CCNJL: variants seen among roughly 807,000 people sequenced by gnomAD.
CCNJL encodes cyclin-J-like protein.
A neutral mutation model predicts 33.4 loss-of-function variants in CCNJL; 33 were observed. The observed-to-expected ratio is 0.99, with a 90% CI of 0.75 to 1.32. The LOEUF is 1.32. Among genes scored for constraint, CCNJL ranks in the 40% most tolerant of loss-of-function variants. CCNJL has a pLI of 0.00. For missense variants in CCNJL, 512 were observed against 499.7 expected, an observed-to-expected ratio of 1.02 and a Z score of -0.23; for synonymous variants, 227 against 220.9, an observed-to-expected ratio of 1.03 and a Z score of -0.24.
intron 2 of CCNJL, among the ~76,000 whole-genome samples, chr5:160,311,530 T>A (rs1763259094): frequency 6.6e-6 from 1 of 152,182 alleles, no homozygotes. Context: ...CAATATTTTT[T>A]AAAGACCCCT....
At chr5:160,272,539 C>T (rs1425482920) in intron 3 of CCNJL, among the ~76,000 whole-genome samples, 2 of 152,164 alleles carry the variant, frequency 1.3e-5, no homozygotes, top group Admixed American at 1.3e-4. Flanking sequence ...AGAAGAGAAG[C>T]CCCAAGTGGA....
chr5:160,334,117 C>T (rs948134258), intron 1 of CCNJL, among the ~76,000 whole-genome samples: 3 of 152,208 alleles, frequency 2.0e-5, no homozygotes, highest in Admixed American at 6.5e-5. Flanking sequence ...CTTGCCAGCT[C>T]ACCCCTCAGG....
chr5:160,302,420 C>G lies in CCNJL; in HGVS notation c.66+9438G>C, dbSNP rs184357196. Among the ~76,000 whole-genome samples the G allele has an allele frequency of 4.0e-3, 601 of 152,144 alleles. 1 individual carries two copies. Among genetic ancestry groups the G allele is most frequent in the Non-Finnish European group, 6.5e-3 (444 of 68,008 alleles). On this transcript the variant is annotated intron_variant, in intron 2 of 5. Transcript: ENST00000257536. Reference sequence around the variant, plus strand: ...TGTTCAATATAAATTTCCTGAGTGCCCACTATATATCATTATTGCTACAAT... The same window carrying G: ...TGTTCAATATAAATTTCCTGAGTGCGCACTATATATCATTATTGCTACAAT...
At chr5:160,255,795 C>G (rs766103565) in intron 4 of CCNJL, 87 bp from the exon 5 acceptor site, 6 of 1,196,432 alleles carry the variant, frequency 5.0e-6, no homozygotes, top group Non-Finnish European at 7.3e-6. Flanking sequence ...ACAAATGAAT[C>G]GCTTTCAAGG....
chr5:160,328,029 C>T lies in CCNJL; in HGVS notation n.206+11416G>A, dbSNP rs896985872. 1.3e-4 allele frequency among the ~76,000 whole-genome samples: 20 copies of T among 152,278 alleles called. No individual in the cohort carries two copies. In the East Asian group the frequency reaches 2.1e-3, roughly 16 times the overall value. ...TGACAGGAGGAATCCAGCCATGCCC[C>T]GGCTAGAGGATGAATACTCTGCAGA... On this transcript the variant is annotated intron_variant and non_coding_transcript_variant, in intron 1 of 7. Coordinates refer to the CCNJL transcript ENST00000377503.
intron 1 of CCNJL, among the ~76,000 whole-genome samples, chr5:160,328,879 CAA>C (rs558876567): frequency 1.4e-5 from 2 of 139,858 alleles, no homozygotes; most frequent in Admixed American, 7.3e-5. Context: ...GACTCTGTCT[CAA>C]AAAAAAAAAG....
In CCNJL at chr5:160,339,359, C is replaced by CAA. The variant is rs752641997; in HGVS notation, n.206+84_206+85dup. Reference sequence around the variant, plus strand: ...TCTATATAATGAGCAACATGCAAAACAAAAAAAAAAAACAAAAAAAAACGC... The same window carrying CAA: ...TCTATATAATGAGCAACATGCAAAACAAAAAAAAAAAAAACAAAAAAAAACGC... On this transcript the variant is annotated intron_variant and non_coding_transcript_variant, in intron 1 of 7. Coordinates refer to the CCNJL transcript ENST00000377503. 3.4e-3 allele frequency: 754 copies of CAA among 219,582 alleles called. 2 individuals are homozygous for CAA. Among genetic ancestry groups the CAA allele is most frequent in the African/African-American group, 8.6e-3 (220 of 25,452 alleles). The allele number at this position is 219,582 out of a possible 1,614,324, so 13.6% of individuals were successfully genotyped here.
At position 160,280,625 on chromosome 5, in the gene CCNJL, C is replaced by G. The variant is rs1331351181; in HGVS notation, c.180G>C (p.Arg60=). 4 of 1,613,544 alleles carry G rather than the reference C, an allele frequency of 2.5e-6. No individual in the cohort carries two copies. The highest frequency in any genetic ancestry group is 3.4e-6 in the Non-Finnish European group (4 of 1,179,952). Residue 60 remains arginine (R), a synonymous_variant, in exon 3 of 6, where the codon CGG becomes CGC. Coordinates refer to ENST00000257536, the MANE Select transcript of CCNJL (RefSeq NM_001308173.3). ...GGTCCAGCAGGTAGACGGCCAGGTGCCGGGCTGCAGGGCAGAGCTGGCAGT... is the reference window on the plus strand; with the variant it reads ...GGTCCAGCAGGTAGACGGCCAGGTGGCGGGCTGCAGGGCAGAGCTGGCAGT... The part of the protein sequence containing the change: ...SSHCQLCPAA[R]HLAVYLLDHF...
At chr5:160,255,842 A>G (rs1193872704) in intron 4 of CCNJL, 134 bp from the exon 5 acceptor site, 18 of 740,212 alleles carry the variant, frequency 2.4e-5, no homozygotes, top group Non-Finnish European at 3.7e-5. Context: ...ATGGAAAATT[A>G]GAAACTGTGA....
rs1760778080 is a variant in CCNJL at position 160,250,630 on chromosome 5, CA to C, written c.*2747del. On this transcript the variant is annotated 3_prime_UTR_variant, in exon 6 of 6. Coordinates refer to ENST00000257536, the MANE Select transcript of CCNJL (RefSeq NM_001308173.3). Reference sequence around the variant, plus strand: ...CCTTCAAGGAGGAGTACGAATCTGACATTTTTCATAACAGCTGATGCTATAT... The same window carrying C: ...CCTTCAAGGAGGAGTACGAATCTGACTTTTTCATAACAGCTGATGCTATAT... The C allele has an allele frequency of 6.6e-6, 1 of 152,228 alleles. No individual in the cohort carries two copies. The highest frequency in any genetic ancestry group is 1.5e-5 in the Non-Finnish European group (1 of 68,048). The allele number at this position is 152,228 out of a possible 1,614,324, so 9.4% of individuals were successfully genotyped here.
intron 3 of CCNJL, among the ~76,000 whole-genome samples, chr5:160,262,937 G>A (rs887611169): frequency 1.3e-5 from 2 of 152,208 alleles, no homozygotes; most frequent in African/African-American, 4.8e-5. Context: ...GGCAACAGAT[G>A]CCTAGAAGAC....
At chr5:160,297,516 G>A (rs575254966) in intron 2 of CCNJL, among the ~76,000 whole-genome samples, 80 of 152,066 alleles carry the variant, frequency 5.3e-4, no homozygotes, top group African/African-American at 1.9e-3. Flanking sequence ...TTCAGAGCCC[G>A]TCTTAAAAGT....
intron 3 of CCNJL, chr5:160,274,800 AG>A (rs1761954412): frequency 6.6e-6 from 1 of 152,504 alleles, no homozygotes; most frequent in Non-Finnish European, 1.5e-5. Flanking sequence ...AGGGGCTCAG[AG>A]GACAGAGGAA....
At chr5:160,264,427 T>C (rs1364544276) in intron 3 of CCNJL, among the ~76,000 whole-genome samples, 1 of 152,066 alleles carries the variant, frequency 6.6e-6, no homozygotes, top group East Asian at 1.9e-4. Flanking sequence ...CACACAGAGC[T>C]CCTGGGCAAT....
intron 1 of CCNJL, among the ~76,000 whole-genome samples, chr5:160,338,233 C>CA (rs34255916): frequency 2.0e-5 from 3 of 151,830 alleles, no homozygotes; most frequent in East Asian, 1.9e-4. Flanking sequence ...CCCGTCTCTA[C>CA]AAAAAAACAC....
At chr5:160,291,928 G>C (rs539869287) in intron 2 of CCNJL, among the ~76,000 whole-genome samples, 1 of 152,178 alleles carries the variant, frequency 6.6e-6, no homozygotes, top group African/African-American at 2.4e-5. Context: ...GAACCACCAG[G>C]TTGTTTAAGG....
At chr5:160,317,960 G>T (rs964085810) in intron 1 of CCNJL, among the ~76,000 whole-genome samples, 6 of 151,932 alleles carry the variant, frequency 3.9e-5, no homozygotes, top group African/African-American at 1.5e-4. Context: ...GACCCTGCCT[G>T]TGTCTTCACA....
upstream of CCNJL, chr5:160,312,947 TCCTGTTTTTG>T (rs1763326773): frequency 6.7e-6 from 1 of 148,558 alleles, no homozygotes. Context: ...TTTTTTTTTT[TCCTGTTTTTG>T]TTTTTTGTTT....
intron 2 of CCNJL, among the ~76,000 whole-genome samples, chr5:160,287,320 G>T (rs1348904762): frequency 6.6e-6 from 1 of 152,204 alleles, no homozygotes; most frequent in African/African-American, 2.4e-5. Context: ...AAAGAAACCT[G>T]CTTTGAGAAA....
Sources: allele counts gnomAD v4.1 joint callset (sites outside exome capture counted in the v4.1 genomes callset), GRCh38; gene constraint gnomAD v4.1.1; transcripts MANE v1.5; gene names NCBI Gene and HGNC (gene_info 2026-07-23, HGNC 2026-07-21).